The following RAB17 variants were observed in gnomAD, a reference collection of about 807,000 sequenced individuals.
RAB17 encodes the protein ras-related protein Rab-17.
In RAB17, 15 loss-of-function variants were observed where a neutral mutation model predicts 19.3. That is an observed-to-expected ratio of 0.78 (90% CI 0.52 to 1.20). The LOEUF is 1.20. Ranked by LOEUF, RAB17 falls within the 50% of genes most tolerant of loss-of-function variation. RAB17 has a pLI of 0.00. For synonymous variants in RAB17, 110 were observed against 112.8 expected (o/e 0.97, Z 0.16); for missense variants, 262 against 269.3 (o/e 0.97, Z 0.19).
At chr2:237,577,703 G>C in intron 3 of RAB17, 1 of 466,996 alleles carries the variant, frequency 2.1e-6, no homozygotes, top group Non-Finnish European at 3.8e-6. Context: ...GTCCTCAAAG[G>C]ACCACTTTGT....
chr2:237,575,453 T>G lies in RAB17; in HGVS notation c.463A>C (p.Lys155Gln), dbSNP rs367968871. The G allele has an allele frequency of 6.2e-7, 1 of 1,611,878 alleles. No individual in the cohort carries two copies. Among genetic ancestry groups the G allele is most frequent in the Non-Finnish European group, 8.5e-7 (1 of 1,179,344 alleles). Residue 155 changes from lysine to glutamine, a missense_variant, in exon 5 of 6, where the codon AAG becomes CAG. Coordinates refer to ENST00000264601, the MANE Select transcript of RAB17 (RefSeq NM_022449.4). ...GCCGAAGTTTCCATGAACAGCAACT[T>G]CTGGCTGTCGGCAAACTCCTTCCCT... ...QEGKEFADSQ[K>Q]LLFMETSAKL...
At chr2:237,579,934 G>A (rs2081296045) in intron 2 of RAB17, among the ~76,000 whole-genome samples, 2 of 152,364 alleles carry the variant, frequency 1.3e-5, no homozygotes, top group East Asian at 1.9e-4. Flanking sequence ...CAAAGCTGCA[G>A]TCTCCATCCA....
chr2:237,582,839 G>A (rs2081318629), intron 2 of RAB17, among the ~76,000 whole-genome samples: 1 of 152,246 alleles, frequency 6.6e-6, no homozygotes, highest in South Asian at 2.1e-4. Flanking sequence ...TTATTATAAT[G>A]AGGATTAATA....
chr2:237,575,739 TC>T (rs2081257525), intron 4 of RAB17: 1 of 484,594 alleles, frequency 2.1e-6, no homozygotes, highest in Non-Finnish European at 3.7e-6. Context: ...GAAAGCCAAG[TC>T]CCCACCCCCA....
At chr2:237,575,680 CTCT>C in intron 4 of RAB17, 200 bp from the exon 5 acceptor site, 1 of 542,612 alleles carries the variant, frequency 1.8e-6, no homozygotes, top group South Asian at 2.5e-5. Context: ...CTGGAAGAGG[CTCT>C]TCCTCTAGCT....
At position 237,575,078 on chromosome 2, in the gene RAB17, C is replaced by A. The variant is rs1305632174; in HGVS notation, c.580G>T (p.Asp194Tyr). Residue 194 changes from aspartate to tyrosine, a missense_variant, in exon 6 of 6, where the codon GAT becomes TAT. By Grantham distance (160) the Asp-to-Tyr change is radical. Coordinates refer to ENST00000264601, the MANE Select transcript of RAB17 (RefSeq NM_022449.4). ...CCCTTGTTCAGAGCCACAGCTGCATCCCCCCGTAGAGCCTGGCCCTCCTCG... is the reference window on the plus strand; with the variant it reads ...CCCTTGTTCAGAGCCACAGCTGCATACCCCCGTAGAGCCTGGCCCTCCTCG... The part of the protein sequence containing the change: ...SDEEGQALRG[D>Y]AAVALNKGPA... 6.2e-7 allele frequency: 1 copy of A among 1,613,438 alleles called. No individual in the cohort carries two copies. The highest frequency in any genetic ancestry group is 8.5e-7 in the Non-Finnish European group (1 of 1,179,692).
At chr2:237,583,167 A>C (rs145128772) in intron 2 of RAB17, among the ~76,000 whole-genome samples, 1 of 152,248 alleles carries the variant, frequency 6.6e-6, no homozygotes, top group East Asian at 1.9e-4. Flanking sequence ...GCAAAACCCT[A>C]TCTCTACAAA....
At chr2:237,577,666 G>C (rs74346400) in intron 3 of RAB17, 3 of 472,024 alleles carry the variant, frequency 6.4e-6, no homozygotes, top group Non-Finnish European at 7.6e-6. Context: ...GTCAGGCCTC[G>C]AGCTCCTGAA....
chr2:237,576,300 C>G (rs1307497298), intron 4 of RAB17, among the ~76,000 whole-genome samples: 1 of 152,182 alleles, frequency 6.6e-6, no homozygotes, highest in Non-Finnish European at 1.5e-5. Flanking sequence ...GACAGACGCT[C>G]CAAACCCACC....
At position 237,577,356 on chromosome 2, in the gene RAB17, C is replaced by T; in HGVS notation, c.336G>A (p.Trp112Ter). 12 of 1,613,098 alleles carry T rather than the reference C, an allele frequency of 7.4e-6. No homozygotes were observed. The highest frequency in any genetic ancestry group is 1.0e-5 in the Non-Finnish European group (12 of 1,179,332). The change falls in exon 4 of 6, where the codon TGG (tryptophan) becomes TGA (stop). Residue 112 changes from tryptophan (W) to a stop codon, truncating the protein, a stop_gained. Transcript: ENST00000264601. LOFTEE classifies it high-confidence loss of function. ...GCAGCTCCTCCTCCAGGTCCTTCAG[C>T]CACTGCTGAGCCTTGAGGAAGGAAT... ...RKDSFLKAQQ[W>*]LKDLEEELHP...
intron 2 of RAB17, among the ~76,000 whole-genome samples, chr2:237,582,525 G>A (rs956430757): frequency 6.6e-6 from 1 of 152,178 alleles, no homozygotes; most frequent in Admixed American, 6.5e-5. Context: ...CTCCCTCGGG[G>A]ATCCTGCAGC....
At chr2:237,577,577 G>A (rs1283488323) in intron 3 of RAB17, 195 bp from the exon 4 acceptor site, 2 of 600,624 alleles carry the variant, frequency 3.3e-6, no homozygotes, top group Admixed American at 6.4e-5. Flanking sequence ...TGTGCGGCCA[G>A]GCAGAAAACT....
intron 4 of RAB17, 112 bp from the exon 5 acceptor site, chr2:237,575,592 T>G: frequency 1.3e-6 from 1 of 756,216 alleles, no homozygotes; most frequent in Non-Finnish European, 2.2e-6. Context: ...GAGCCCGCAC[T>G]CCTCCACGTT....
At chr2:237,582,415 T>G (rs1284652892) in intron 2 of RAB17, among the ~76,000 whole-genome samples, 4 of 152,188 alleles carry the variant, frequency 2.6e-5, no homozygotes, top group Admixed American at 6.5e-5. Context: ...CAACCTTTCA[T>G]GGAGAGGCCA....
chr2:237,586,261 A>C, intron 1 of RAB17, 104 bp from the exon 2 acceptor site: 1 of 1,254,834 alleles, frequency 8.0e-7, no homozygotes, highest in Admixed American at 2.7e-5. Context: ...AGATGGCCCA[A>C]TACAGAGCTC....
chr2:237,574,684 T>G lies in RAB17; in HGVS notation c.*335A>C. 1 of 1,443,418 alleles carries G rather than the reference T, an allele frequency of 6.9e-7. No homozygotes were observed. 89.4% of individuals were successfully genotyped at this position (1,443,418 alleles called of 1,614,324 possible). On this transcript the variant is annotated 3_prime_UTR_variant, in exon 6 of 6. Coordinates refer to ENST00000264601, the MANE Select transcript of RAB17 (RefSeq NM_022449.4). ...GTAAGGCATCTTCCCACCGTCGCTGTGCTGCGGGGACTTTTCCAATCCTTC... is the reference window on the plus strand; with the variant it reads ...GTAAGGCATCTTCCCACCGTCGCTGGGCTGCGGGGACTTTTCCAATCCTTC...
At chr2:237,587,480 A>C (rs1574938459) in intron 1 of RAB17, among the ~76,000 whole-genome samples, 1 of 152,180 alleles carries the variant, frequency 6.6e-6, no homozygotes, top group African/African-American at 2.4e-5. Flanking sequence ...ACATGCCCTC[A>C]CTGCCGCCAG....
chr2:237,574,355 AAAACTGC>A lies in RAB17; in HGVS notation c.*657_*663del. 6.9e-7 allele frequency: 1 copy of A among 1,445,138 alleles called. No individual in the cohort carries two copies. The highest frequency in any genetic ancestry group is 9.1e-7 in the Non-Finnish European group (1 of 1,098,952). The allele number at this position is 1,445,138 out of a possible 1,614,324, so 89.5% of individuals were successfully genotyped here. ...CAAAAGCAATTTAATTTTTGGAGGA[AAAACTGC>A]ATACGCAGTACAACTTATATCTCAG... On this transcript the variant is annotated 3_prime_UTR_variant, in exon 6 of 6. Coordinates refer to ENST00000264601, the MANE Select transcript of RAB17 (RefSeq NM_022449.4).
Position 237,578,024 on chromosome 2 carries a change from C to A in RAB17, c.289G>T (p.Val97Leu). 5.6e-6 allele frequency: 9 copies of A among 1,608,940 alleles called. No homozygotes were observed. The highest frequency in any genetic ancestry group is 7.7e-6 in the Non-Finnish European group (9 of 1,175,854). The stretch of plus-strand genomic sequence containing the variant: ...CCTACCTTCCTGGTGATGTCGTACA[C>A]CAGAAGCGCAGCGTTGGCACCCCTG... ...YFRGANAALL[V>L]YDITRKDSFL... is the part of the protein sequence containing the mutation. The change falls in exon 3 of 6, where the codon GTG becomes TTG. Residue 97 changes from valine (V) to leucine (L), a missense_variant. By Grantham distance (32) the Val-to-Leu change is conservative. Coordinates refer to ENST00000264601, the MANE Select transcript of RAB17 (RefSeq NM_022449.4).
Sources: allele counts gnomAD v4.1 joint callset (sites outside exome capture counted in the v4.1 genomes callset), GRCh38; gene constraint gnomAD v4.1.1; transcripts MANE v1.5; gene names NCBI Gene and HGNC (gene_info 2026-07-23, HGNC 2026-07-21).